Variants in EEF2K observed in about 807,000 individuals in gnomAD.
EEF2K encodes alternative protein EEF2K.
In EEF2K, 70 loss-of-function variants were observed where a neutral mutation model predicts 93.8. The observed-to-expected ratio is 0.75, with a 90% CI of 0.62 to 0.91. EEF2K has a LOEUF of 0.91. EEF2K is among the 40% of genes least tolerant of loss of function. The probability of loss-of-function intolerance (pLI) is 0.00; values close to 1 mark genes in which losing one functional copy is unlikely to be tolerated. For missense variants in EEF2K, 935 were observed against 972.9 expected, an observed-to-expected ratio of 0.96 and a Z score of 0.52; for synonymous variants, 376 against 380.8, an observed-to-expected ratio of 0.99 and a Z score of 0.15.
At chr16:22,244,496 C>G (rs1428990744) in intron 2 of EEF2K, 134 bp from the exon 3 acceptor site, 6 of 770,384 alleles carry the variant, frequency 7.8e-6, no homozygotes, top group Non-Finnish European at 1.3e-5. Context: ...TGAAAGGCTA[C>G]TAGACAGGAG....
rs10540234 is a variant in EEF2K at position 22,283,308 on chromosome 16, CAAA to C, written c.2069-559_2069-557del. Among the ~76,000 whole-genome samples the C allele has an allele frequency of 4.7e-3, 359 of 75,854 alleles. 2 individuals carry two copies. Among genetic ancestry groups the C allele is most frequent in the African/African-American group, 0.016 (336 of 21,508 alleles). The allele number at this position is 75,854 out of a possible 152,430, so 49.8% of individuals were successfully genotyped here. On this transcript the variant is annotated intron_variant, in intron 17 of 17. Coordinates refer to ENST00000263026, the MANE Select transcript of EEF2K (RefSeq NM_013302.5). ...TGGGTGACAGAGTGAGACTCCATCT[CAAA>C]AAAAAAAAAAAAAAAAAAAGAAGAA...
chr16:22,283,751 G>A, intron 17 of EEF2K, 136 bp from the exon 18 acceptor site: 1 of 800,770 alleles, frequency 1.2e-6, no homozygotes, highest in Non-Finnish European at 2.0e-6. Context: ...AACACCTGGA[G>A]GGAGAGGGCA....
intron 1 of EEF2K, among the ~76,000 whole-genome samples, chr16:22,219,221 C>T (rs1257456269): frequency 6.6e-6 from 1 of 152,178 alleles, no homozygotes; most frequent in South Asian, 2.1e-4. Flanking sequence ...ATCCAACATC[C>T]TCCAGGTACC....
At chr16:22,249,574 T>A (rs1446234454) in intron 4 of EEF2K, among the ~76,000 whole-genome samples, 2 of 152,050 alleles carry the variant, frequency 1.3e-5, no homozygotes, top group Non-Finnish European at 2.9e-5. Flanking sequence ...TACTTTTGCC[T>A]ATTTTTTTGC....
chr16:22,238,424 T>G (rs2047189596), intron 2 of EEF2K, among the ~76,000 whole-genome samples: 1 of 151,940 alleles, frequency 6.6e-6, no homozygotes, highest in South Asian at 2.1e-4. Context: ...GTGCTGACCT[T>G]GAGGCTAGAG....
At chr16:22,218,934 A>AC (rs2046985731) in intron 1 of EEF2K, among the ~76,000 whole-genome samples, 1 of 134,432 alleles carries the variant, frequency 7.4e-6, no homozygotes, top group Non-Finnish European at 1.5e-5. Flanking sequence ...AAACAAAAAA[A>AC]TTAAAAAAAA....
Position 22,280,313 on chromosome 16 carries a change from G to A in EEF2K, c.2005G>A (p.Ala669Thr). The change falls in exon 17 of 18, where the codon GCC becomes ACC. Residue 669 changes from alanine to threonine, a missense_variant. Physicochemically the swap from Ala to Thr is moderately conservative, Grantham distance 58. Coordinates refer to ENST00000263026, the MANE Select transcript of EEF2K (RefSeq NM_013302.5). ...MQDEPRYMML[A>T]REAEMLFTGG... is the part of the protein sequence containing the mutation. Reference sequence around the variant, plus strand: ...GGACGAGCCCCGGTACATGATGCTGGCCAGGGAGGCCGAGATGCTGTTCAC... The same window carrying A: ...GGACGAGCCCCGGTACATGATGCTGACCAGGGAGGCCGAGATGCTGTTCAC... The A allele has an allele frequency of 6.2e-7, 1 of 1,607,810 alleles. No individual in the cohort carries two copies. Among genetic ancestry groups the A allele is most frequent in the East Asian group, 2.3e-5 (1 of 44,338 alleles).
At chr16:22,265,768 T>G (rs1248635621) in intron 13 of EEF2K, among the ~76,000 whole-genome samples, 1 of 152,210 alleles carries the variant, frequency 6.6e-6, no homozygotes, top group Non-Finnish European at 1.5e-5. Context: ...GGGGGCATCT[T>G]TGGCCAGGAG....
At chr16:22,241,780 C>T (rs987227508) in intron 2 of EEF2K, among the ~76,000 whole-genome samples, 1 of 151,720 alleles carries the variant, frequency 6.6e-6, no homozygotes, top group Non-Finnish European at 1.5e-5. Flanking sequence ...AAATTAGCTA[C>T]CAAAATAGAA....
intron 17 of EEF2K, among the ~76,000 whole-genome samples, chr16:22,283,664 G>A (rs1232235017): frequency 6.6e-6 from 1 of 152,184 alleles, no homozygotes; most frequent in East Asian, 1.9e-4. Context: ...ACCAATCGCT[G>A]TAGCTTGGTG....
At chr16:22,244,098 G>C (rs924744976) in intron 2 of EEF2K, among the ~76,000 whole-genome samples, 1 of 151,616 alleles carries the variant, frequency 6.6e-6, no homozygotes, top group African/African-American at 2.4e-5. Context: ...GCGTGGTGGC[G>C]GGCGCCTATA....
chr16:22,229,142 A>C (rs1339669246), intron 2 of EEF2K, among the ~76,000 whole-genome samples: 1 of 151,838 alleles, frequency 6.6e-6, no homozygotes, highest in Non-Finnish European at 1.5e-5. Context: ...CATCTCAAAA[A>C]CAAAAAACAA....
rs1266505072 is a variant in EEF2K at position 22,286,693 on chromosome 16, A to G, written c.*2697A>G. ...TTGCTCTAACCCTTGACTGAGAGCT[A>G]CTTTATTAAGCCCTGAGGGCAGGAG... On this transcript the variant is annotated 3_prime_UTR_variant, in exon 18 of 18. Coordinates refer to ENST00000263026, the MANE Select transcript of EEF2K (RefSeq NM_013302.5). The G allele has an allele frequency of 6.6e-6, 1 of 152,196 alleles. No homozygotes were observed. The highest frequency in any genetic ancestry group is 1.5e-5 in the Non-Finnish European group (1 of 68,038). 9.4% of individuals were successfully genotyped at this position (152,196 alleles called of 1,614,324 possible).
chr16:22,225,627 A>G, intron 1 of EEF2K, 27 bp from the exon 2 acceptor site: 1 of 1,521,182 alleles, frequency 6.6e-7, no homozygotes, highest in Non-Finnish European at 8.8e-7. Context: ...CCCAGCACCC[A>G]CTCTCTGGCC....
intron 1 of EEF2K, among the ~76,000 whole-genome samples, chr16:22,215,374 G>A (rs1258838645): frequency 6.6e-6 from 1 of 152,202 alleles, no homozygotes; most frequent in African/African-American, 2.4e-5. Context: ...GGGCAAGGAG[G>A]TGAGGAGAGT....
intron 2 of EEF2K, among the ~76,000 whole-genome samples, chr16:22,230,036 C>T (rs967542294): frequency 1.1e-4 from 16 of 152,214 alleles, no homozygotes; most frequent in African/African-American, 3.4e-4. Context: ...CTCTGGGGTC[C>T]GGGGGCCCCT....
chr16:22,265,736 G>A (rs2047511305), intron 13 of EEF2K, among the ~76,000 whole-genome samples: 1 of 152,260 alleles, frequency 6.6e-6, no homozygotes, highest in African/African-American at 2.4e-5. Flanking sequence ...CTGCCTGGCT[G>A]TATCCTGCAA....
intron 16 of EEF2K, among the ~76,000 whole-genome samples, chr16:22,277,135 T>TTTTATTTA (rs566510934): frequency 6.6e-6 from 1 of 152,134 alleles, no homozygotes; most frequent in Non-Finnish European, 1.5e-5. Context: ...TAAATTTAAC[T>TTTTATTTA]TTTATTTATT....
intron 16 of EEF2K, among the ~76,000 whole-genome samples, chr16:22,274,471 C>A (rs549852686): frequency 6.6e-6 from 1 of 150,412 alleles, no homozygotes; most frequent in African/African-American, 2.4e-5. Context: ...AGATAAAAGT[C>A]ATGTGATACG....
Sources: gnomAD v4.1 joint callset for allele counts (sites outside exome capture counted in the v4.1 genomes callset) on GRCh38, gnomAD v4.1.1 for gene constraint, MANE v1.5 for transcripts, NCBI Gene and HGNC (gene_info 2026-07-23, HGNC 2026-07-21) for gene names.